FAM163A: variants seen among roughly 807,000 people sequenced by gnomAD.
The protein encoded by FAM163A is protein FAM163A.
In FAM163A, 7 loss-of-function variants were observed where a neutral mutation model predicts 12.0. The observed-to-expected ratio is 0.58, with a 90% CI of 0.33 to 1.10. The LOEUF is 1.10. Ranked by LOEUF, FAM163A falls within the 50% of genes least tolerant of loss-of-function variation. The pLI is 0.03. For synonymous variants in FAM163A, 101 were observed against 91.0 expected (o/e 1.11, Z -0.62); for missense variants, 202 against 218.6 (o/e 0.92, Z 0.48).
At chr1:179,736,687 G>A in the FAM163A span, among the ~76,000 whole-genome samples, 7 of 152,034 alleles carry the variant, frequency 4.6e-5, no homozygotes, top group Non-Finnish European at 1.0e-4. Flanking sequence ...GTGGCAGCCT[G>A]TAATCCCAGC....
intron 1 of FAM163A, among the ~76,000 whole-genome samples, chr1:179,748,321 G>A (rs1351913797): frequency 2.6e-5 from 4 of 152,174 alleles, no homozygotes; most frequent in Non-Finnish European, 4.4e-5. Context: ...ACAGTGGTGG[G>A]AGCAAGAAGC....
rs1020420176 is a variant in FAM163A, at chr1:179,808,192, A to G, written c.-45+304A>G. On this transcript the variant is annotated intron_variant, in intron 2 of 4. Transcript: ENST00000341785. ...AGCACTGGCCCGTGGGCCCTGACTC[A>G]GGCACTTGTTATCCTATGACTTTAG... is the stretch of plus-strand genomic sequence containing the variant. 3.9e-5 allele frequency among the ~76,000 whole-genome samples: 6 copies of G among 152,360 alleles called. No individual in the cohort carries two copies. The South Asian group carries it at 1.0e-3, about 26-fold the overall frequency.
At chr1:179,734,220 T>C in the FAM163A span, among the ~76,000 whole-genome samples, 1 of 152,174 alleles carries the variant, frequency 6.6e-6, no homozygotes. Context: ...ATTTTTGAAA[T>C]TCAAGTTGTA....
chr1:179,754,168 C>T lies in FAM163A; in HGVS notation c.-136+10745C>T, dbSNP rs187221800. ...AGCACTTGGAAGCCTTTCCATGACT[C>T]AGTGCTGAAGGATTTGTATGTGGTG... On this transcript the variant is annotated intron_variant, in intron 1 of 4. Transcript: ENST00000341785. Among the ~76,000 whole-genome samples, 3 of 152,084 alleles carry T rather than the reference C, an allele frequency of 2.0e-5. No homozygotes were observed. The East Asian group carries it at 5.8e-4, about 29-fold the overall frequency.
intron 1 of FAM163A, among the ~76,000 whole-genome samples, chr1:179,786,661 C>CTT (rs1457220279): frequency 2.0e-5 from 3 of 152,182 alleles, no homozygotes; most frequent in Admixed American, 6.5e-5. Flanking sequence ...AAGTATTATA[C>CTT]CCATTAACAA....
chr1:179,774,238 C>T (rs990291439), intron 1 of FAM163A, among the ~76,000 whole-genome samples: 1 of 152,206 alleles, frequency 6.6e-6, no homozygotes, highest in African/African-American at 2.4e-5. Flanking sequence ...CTGAGACTCT[C>T]GGTTGCCCTG....
At position 179,795,957 on chromosome 1, in the gene FAM163A, T is replaced by TTTATTATTATTATTATTATTATTA. The variant is rs1557958055; in HGVS notation, c.-135-11841_-135-11840insTTATTATTATTATTATTATTATTA. On this transcript the variant is annotated intron_variant, in intron 1 of 4. Coordinates refer to ENST00000341785, the MANE Select transcript of FAM163A (RefSeq NM_173509.3). The stretch of plus-strand genomic sequence containing the variant: ...ATAGATCCTATGACAGGAGTCTTTC[T>TTTATTATTATTATTATTATTATTA]CTATTATTATTATTATTATTATTTT... 9.8e-3 allele frequency among the ~76,000 whole-genome samples: 765 copies of TTTATTATTATTATTATTATTATTA among 77,854 alleles called. 4 individuals carry two copies. The highest frequency in any genetic ancestry group is 0.059 in the African/African-American group (727 of 12,362). 51.1% of individuals were successfully genotyped at this position (77,854 alleles called of 152,430 possible). A position where few individuals can be genotyped will look rare whatever the true frequency, so the allele number is the denominator to read the frequency against.
rs1254672986 is a variant in FAM163A, at chr1:179,815,105, GCGCGCACAGA to G, written c.*918_*927del. On this transcript the variant is annotated 3_prime_UTR_variant, in exon 5 of 5. Coordinates refer to ENST00000341785, the MANE Select transcript of FAM163A (RefSeq NM_173509.3). The stretch of plus-strand genomic sequence containing the variant: ...TTCCCAGGTGTACGCACGCGCGCGC[GCGCGCACAGA>G]CACACACACACACACACACACACAC... 1,306 of 85,262 alleles carry G rather than the reference GCGCGCACAGA, an allele frequency of 0.015. 28 individuals are homozygous for G. The highest frequency in any genetic ancestry group is 0.056 in the African/African-American group (1,127 of 20,232). 5.3% of individuals were successfully genotyped at this position (85,262 alleles called of 1,614,324 possible).
At chr1:179,789,394 T>A (rs1039009783) in intron 1 of FAM163A, among the ~76,000 whole-genome samples, 5 of 152,180 alleles carry the variant, frequency 3.3e-5, no homozygotes, top group Non-Finnish European at 7.4e-5. Flanking sequence ...GTTGGCCAGG[T>A]TGGTCTTGAA....
chr1:179,736,991 T>C, the FAM163A span, among the ~76,000 whole-genome samples: 2 of 152,160 alleles, frequency 1.3e-5, no homozygotes, highest in African/African-American at 2.4e-5. Context: ...TTGAAAACCA[T>C]ATGATCCAGT....
At position 179,816,055 on chromosome 1, in the gene FAM163A, G is replaced by A. The variant is rs987145785; in HGVS notation, c.*1866G>A. On this transcript the variant is annotated 3_prime_UTR_variant, in exon 5 of 5. Transcript: ENST00000341785. ...AGTGCTCCAAGAAGTGAGAATTTCC[G>A]AAAAAGATCTGCCGGCCCAGAGCAC... is the stretch of plus-strand genomic sequence containing the variant. 2.0e-5 allele frequency: 3 copies of A among 152,162 alleles called. No individual in the cohort carries two copies. The highest frequency in any genetic ancestry group is 7.2e-5 in the African/African-American group (3 of 41,410). 9.4% of individuals were successfully genotyped at this position (152,162 alleles called of 1,614,324 possible).
intron 1 of FAM163A, among the ~76,000 whole-genome samples, chr1:179,752,598 C>T (rs1685445171): frequency 6.6e-6 from 1 of 151,680 alleles, no homozygotes; most frequent in Non-Finnish European, 1.5e-5. Context: ...TCATAAAATT[C>T]AATAGCAAAA....
rs1571614917 is a variant in FAM163A, at chr1:179,813,879, G to A, written c.194G>A (p.Cys65Tyr). 6.2e-7 allele frequency: 1 copy of A among 1,613,992 alleles called. No individual in the cohort carries two copies. Among genetic ancestry groups the A allele is most frequent in the Non-Finnish European group, 8.5e-7 (1 of 1,180,036 alleles). Reference protein sequence around the residue: ...THPRGPTCNACSSQALDGRGS... With the variant: ...THPRGPTCNAYSSQALDGRGS... ...CCCAGAGGCCCCACCTGCAATGCCT[G>A]CAGCTCCCAAGCCCTGGACGGCAGA... Residue 65 changes from cysteine (C) to tyrosine (Y), a missense_variant, in exon 5 of 5, where the codon TGC becomes TAC. Cys to Tyr is a radical substitution (Grantham distance 194). Transcript: ENST00000341785.
intron 3 of FAM163A, 35 bp from the exon 4 acceptor site, chr1:179,813,041 A>C (rs1441883536): frequency 1.3e-6 from 2 of 1,537,256 alleles, no homozygotes; most frequent in African/African-American, 2.7e-5. Context: ...GGCTGCAGCC[A>C]CAGCTGGTCC....
intron 1 of FAM163A, among the ~76,000 whole-genome samples, chr1:179,772,234 C>G (rs1688380096): frequency 1.3e-5 from 2 of 152,220 alleles, no homozygotes; most frequent in Admixed American, 6.5e-5. Context: ...TTCCTCTGCT[C>G]ACACATCTGG....
the FAM163A span, among the ~76,000 whole-genome samples, chr1:179,728,879 A>T: frequency 6.6e-6 from 1 of 152,160 alleles, no homozygotes; most frequent in African/African-American, 2.4e-5. Flanking sequence ...ACTCCCCGAG[A>T]CATCGATACA....
intron 1 of FAM163A, among the ~76,000 whole-genome samples, chr1:179,757,022 A>G (rs890735523): frequency 2.0e-5 from 3 of 152,254 alleles, no homozygotes; most frequent in Admixed American, 2.0e-4. Flanking sequence ...TTACGCAAAC[A>G]TTAGAGAAAT....
At chr1:179,798,601 C>T (rs924124757) in intron 1 of FAM163A, among the ~76,000 whole-genome samples, 1 of 152,202 alleles carries the variant, frequency 6.6e-6, no homozygotes, top group Non-Finnish European at 1.5e-5. Context: ...CTGGATTTAC[C>T]CTGACATGCT....
chr1:179,806,657 T>A (rs904452711), intron 1 of FAM163A, among the ~76,000 whole-genome samples: 2 of 152,130 alleles, frequency 1.3e-5, no homozygotes, highest in African/African-American at 2.4e-5. Flanking sequence ...AATGGCTGGG[T>A]TTCCTCCCCA....
Sources: allele counts gnomAD v4.1 joint callset (sites outside exome capture counted in the v4.1 genomes callset), GRCh38; gene constraint gnomAD v4.1.1; transcripts MANE v1.5; gene names NCBI Gene and HGNC (gene_info 2026-07-23, HGNC 2026-07-21).